Variants in KCNIP4 observed in about 807,000 individuals in gnomAD.
KCNIP4 encodes potassium voltage-gated channel interacting protein 4, also known as Kv channel-interacting protein 4.
Under a neutral mutation model 34.0 loss-of-function variants are expected in KCNIP4, and 12 were observed. That is an observed-to-expected ratio of 0.35 (90% CI 0.23 to 0.57). The LOEUF (loss-of-function observed/expected upper bound fraction) is 0.57. KCNIP4 is among the 20% of genes least tolerant of loss of function. The pLI is 0.83. For synonymous variants in KCNIP4, 124 were observed against 102.2 expected (o/e 1.21, Z -1.29); for missense variants, 238 against 311.7 (o/e 0.76, Z 1.78).
intron 1 of KCNIP4, among the ~76,000 whole-genome samples, chr4:21,588,807 A>AT (rs139071400): frequency 5.3e-5 from 8 of 151,466 alleles, no homozygotes; most frequent in South Asian, 2.1e-4. Context: ...AAATGTTCCT[A>AT]TTTTTTTTGT....
intron 1 of KCNIP4, among the ~76,000 whole-genome samples, chr4:21,044,686 G>A (rs754690618): frequency 6.6e-6 from 1 of 152,126 alleles, no homozygotes; most frequent in Non-Finnish European, 1.5e-5. Context: ...TACCCTACCA[G>A]TATTTACTTC....
chr4:21,901,928 G>A (rs760457400), intron 1 of KCNIP4, among the ~76,000 whole-genome samples: 2 of 152,218 alleles, frequency 1.3e-5, no homozygotes, highest in African/African-American at 4.8e-5. Flanking sequence ...CCTTCAAAAA[G>A]TGTCATGGAA....
intron 1 of KCNIP4, among the ~76,000 whole-genome samples, chr4:21,838,787 C>T (rs1370259466): frequency 2.0e-5 from 3 of 152,000 alleles, no homozygotes; most frequent in African/African-American, 7.3e-5. Flanking sequence ...AACAAAAAAC[C>T]ACTTCTGTAC....
chr4:21,271,814 T>A (rs1176926827), intron 1 of KCNIP4, among the ~76,000 whole-genome samples: 4 of 152,178 alleles, frequency 2.6e-5, no homozygotes, highest in Admixed American at 1.3e-4. Flanking sequence ...GGAAAGTAAT[T>A]ATCTGCTGGT....
intron 8 of KCNIP4, among the ~76,000 whole-genome samples, chr4:20,730,904 C>CTTA (rs1747961596): frequency 6.6e-6 from 1 of 152,038 alleles, no homozygotes; most frequent in Admixed American, 6.6e-5. Flanking sequence ...AACCAAGTAA[C>CTTA]ATCACCGTCA....
intron 1 of KCNIP4, among the ~76,000 whole-genome samples, chr4:21,693,633 G>A (rs1711940441): frequency 6.6e-6 from 1 of 152,128 alleles, no homozygotes. Flanking sequence ...AATAACTTCA[G>A]TGATGTCAAT....
intron 2 of KCNIP4, among the ~76,000 whole-genome samples, chr4:20,876,401 C>T (rs1724036611): frequency 6.6e-6 from 1 of 152,020 alleles, no homozygotes. Context: ...TTTATTCTTT[C>T]TTTAAAAAAG....
At chr4:21,754,090 G>A (rs1717339258) in intron 1 of KCNIP4, among the ~76,000 whole-genome samples, 1 of 152,172 alleles carries the variant, frequency 6.6e-6, no homozygotes. Flanking sequence ...CCTGCAGTAA[G>A]GGCTCGCATC....
chr4:20,982,106 C>T (rs1325335202), intron 1 of KCNIP4, among the ~76,000 whole-genome samples: 2 of 152,170 alleles, frequency 1.3e-5, no homozygotes, highest in African/African-American at 2.4e-5. Flanking sequence ...GGGCCTTACA[C>T]TTGGGACTTT....
At chr4:21,475,382 C>T (rs1010508024) in intron 1 of KCNIP4, among the ~76,000 whole-genome samples, 2 of 152,214 alleles carry the variant, frequency 1.3e-5, no homozygotes, top group Non-Finnish European at 2.9e-5. Context: ...CCCAGACCAC[C>T]GTACCACAGC....
chr4:21,900,579 T>C (rs746276004), intron 1 of KCNIP4, among the ~76,000 whole-genome samples: 7 of 152,208 alleles, frequency 4.6e-5, no homozygotes, highest in Non-Finnish European at 7.3e-5. Flanking sequence ...TTTCCATATT[T>C]AGTGGATTAA....
At chr4:21,189,675 A>G (rs1039706307) in intron 1 of KCNIP4, among the ~76,000 whole-genome samples, 2 of 152,144 alleles carry the variant, frequency 1.3e-5, no homozygotes, top group Non-Finnish European at 2.9e-5. Context: ...AGTTCATTTA[A>G]CTCAACTTTT....
At chr4:21,307,313 A>G (rs935266723) in intron 1 of KCNIP4, among the ~76,000 whole-genome samples, 11 of 152,022 alleles carry the variant, frequency 7.2e-5, no homozygotes, top group Non-Finnish European at 1.2e-4. Context: ...GCTTATCCCC[A>G]TATCTTCCCA....
At chr4:21,939,859 G>A (rs960530084) in intron 1 of KCNIP4, among the ~76,000 whole-genome samples, 1 of 152,168 alleles carries the variant, frequency 6.6e-6, no homozygotes, top group Non-Finnish European at 1.5e-5. Flanking sequence ...TGAAATATTA[G>A]ATGATGTATA....
intron 1 of KCNIP4, among the ~76,000 whole-genome samples, chr4:21,895,991 C>G (rs183164655): frequency 6.6e-6 from 1 of 152,306 alleles, no homozygotes; most frequent in African/African-American, 2.4e-5. Context: ...TGGTGGAAAG[C>G]TGTTTGGTCT....
At chr4:21,194,188 A>G (rs1181044789) in intron 1 of KCNIP4, among the ~76,000 whole-genome samples, 4 of 152,110 alleles carry the variant, frequency 2.6e-5, no homozygotes, top group Admixed American at 2.6e-4. Flanking sequence ...TCTGTTTACT[A>G]TTGATAAGAA....
chr4:21,405,518 A>T (rs749932472), intron 1 of KCNIP4, among the ~76,000 whole-genome samples: 14 of 152,206 alleles, frequency 9.2e-5, no homozygotes, highest in Non-Finnish European at 1.8e-4. Context: ...GGTGATAAGG[A>T]TGAAGACTGC....
intron 1 of KCNIP4, among the ~76,000 whole-genome samples, chr4:21,346,118 T>C (rs1717303519): frequency 1.7e-5 from 2 of 118,126 alleles, no homozygotes; most frequent in Non-Finnish European, 1.6e-5. Flanking sequence ...TATAAATATA[T>C]ATATTTTACA....
Position 20,903,798 on chromosome 4 carries a change from A to G in KCNIP4, c.62-21089T>C, listed in dbSNP as rs140272817. On this transcript the variant is annotated intron_variant, in intron 1 of 8. Transcript: ENST00000382152. ...TAGAATAAACCTCTTCAAATATTTT[A>G]CAGAGTTTTGCTCTTTTCATCGGCA... Among the ~76,000 whole-genome samples, 715 of 152,252 alleles carry G rather than the reference A, an allele frequency of 4.7e-3. 7 individuals carry two copies. Among genetic ancestry groups the G allele is most frequent in the African/African-American group, 0.016 (685 of 41,548 alleles).
Sources: gnomAD v4.1 joint callset for allele counts (sites outside exome capture counted in the v4.1 genomes callset) on GRCh38, gnomAD v4.1.1 for gene constraint, MANE v1.5 for transcripts, NCBI Gene and HGNC (gene_info 2026-07-23, HGNC 2026-07-21) for gene names.